The following TOP2B variants were observed in gnomAD, a reference collection of about 807,000 sequenced individuals.
TOP2B encodes DNA topoisomerase II beta.
TOP2B carries 51 observed loss-of-function variants against 193.5 expected under a neutral mutation model. The observed-to-expected ratio is 0.26, with a 90% CI of 0.21 to 0.33. TOP2B has a LOEUF of 0.33. Ranked by LOEUF, TOP2B falls within the 10% of genes least tolerant of loss-of-function variation. TOP2B has a pLI of 1.00. For synonymous variants in TOP2B, 634 were observed against 635.7 expected, an observed-to-expected ratio of 1.00 and a Z score of 0.04; for missense variants, 1,378 against 1,909.3, an observed-to-expected ratio of 0.72 and a Z score of 5.19.
At chr3:25,633,060 C>T (rs544973272) in intron 8 of TOP2B, among the ~76,000 whole-genome samples, 15 of 152,178 alleles carry the variant, frequency 9.9e-5, no homozygotes, top group African/African-American at 3.1e-4. Flanking sequence ...TTCTCTGATT[C>T]TCCAGACACC....
intron 23 of TOP2B, 119 bp downstream of exon 23, chr3:25,619,738 GAAAAA>G (rs375797612): frequency 2.4e-4 from 126 of 522,986 alleles, no homozygotes; most frequent in Non-Finnish European, 2.8e-4. Flanking sequence ...TGCAGGATGG[GAAAAA>G]AAAAAAAAAA....
At chr3:25,603,255 T>C (rs765757875) in intron 33 of TOP2B, among the ~76,000 whole-genome samples, 26 of 152,210 alleles carry the variant, frequency 1.7e-4, no homozygotes, top group Non-Finnish European at 3.2e-4. Context: ...TTGTTGTTAT[T>C]TGAGATGGAG....
At chr3:25,644,420 C>T (rs930558776) in intron 2 of TOP2B, among the ~76,000 whole-genome samples, 1 of 152,062 alleles carries the variant, frequency 6.6e-6, no homozygotes, top group African/African-American at 2.4e-5. Flanking sequence ...GACTTACAAG[C>T]CTGGGCGCAG....
At chr3:25,638,334 A>T in intron 4 of TOP2B, 24 bp from the exon 5 acceptor site, 1 of 1,350,638 alleles carries the variant, frequency 7.4e-7, no homozygotes, top group East Asian at 2.9e-5. Flanking sequence ...AAAAAAAAAA[A>T]AAAAAAAAAA....
intron 23 of TOP2B, among the ~76,000 whole-genome samples, chr3:25,619,124 T>A (rs1446347096): frequency 6.6e-6 from 1 of 152,134 alleles, no homozygotes; most frequent in African/African-American, 2.4e-5. Context: ...AAAAAAGGGC[T>A]CTTAAAGTAA....
Position 25,630,874 on chromosome 3 carries a change from C to T in TOP2B, c.1332G>A (p.Leu444=). 1.9e-6 allele frequency: 3 copies of T among 1,605,692 alleles called. No homozygotes were observed. Among genetic ancestry groups the T allele is most frequent in the Non-Finnish European group, 1.7e-6 (2 of 1,176,448 alleles). Residue 444 remains leucine (L), a synonymous_variant, in exon 11 of 36, where the codon CTG becomes CTA. Coordinates refer to ENST00000264331, the MANE Select transcript of TOP2B (RefSeq NM_001330700.2). Reference sequence around the variant, plus strand: ...ATTTTACTGATGAACACTTCTTATTCAGCTGAGTCTGAGCCTTAAATTTCA... The same window carrying T: ...ATTTTACTGATGAACACTTCTTATTTAGCTGAGTCTGAGCCTTAAATTTCA... ...NWVKFKAQTQ[L]NKKCSSVKYS...
chr3:25,632,934 T>C (rs1703001705), intron 8 of TOP2B, 140 bp from the exon 9 acceptor site: 1 of 739,616 alleles, frequency 1.4e-6, no homozygotes, highest in Non-Finnish European at 2.1e-6. Flanking sequence ...AAATAAGACA[T>C]TTTGGCTACA....
chr3:25,628,784 G>C lies in TOP2B; in HGVS notation c.1906+63C>G. ...AGTCAAACTTTCAAGTCATCTTTTA[G>C]ATTGCTTTCATAAGAATACATTTAT... On this transcript the variant is annotated intron_variant, in intron 15 of 35. Coordinates refer to ENST00000264331, the MANE Select transcript of TOP2B (RefSeq NM_001330700.2). The C allele has an allele frequency of 5.0e-6, 5 of 1,000,708 alleles. No homozygotes were observed. In the South Asian group the frequency reaches 8.7e-5, roughly 17 times the overall value. The allele number at this position is 1,000,708 out of a possible 1,614,324, so 62.0% of individuals were successfully genotyped here.
chr3:25,609,639 C>G lies in TOP2B; in HGVS notation c.3860G>C (p.Gly1287Ala). 6.3e-7 allele frequency: 1 copy of G among 1,574,856 alleles called. No homozygotes were observed. The highest frequency in any genetic ancestry group is 8.6e-7 in the Non-Finnish European group (1 of 1,162,424). ...AACTGATGGAGTCAATGCCTCTTCT[C>G]CTGCACCTTCTACTGGTGCTCCACT... ...EFSGAPVEGA[G>A]EEALTPSVPI... The change falls in exon 29 of 36, where the codon GGA becomes GCA. Residue 1287 changes from glycine to alanine, a missense_variant. By Grantham distance (60) the Gly-to-Ala change is moderately conservative (BLOSUM62 0). Coordinates refer to ENST00000264331, the MANE Select transcript of TOP2B (RefSeq NM_001330700.2).
chr3:25,607,825 G>A (rs1559492227), intron 30 of TOP2B, among the ~76,000 whole-genome samples: 2 of 152,094 alleles, frequency 1.3e-5, no homozygotes, highest in South Asian at 4.1e-4. Context: ...CTGCTGCCTG[G>A]GCAGGAAATG....
chr3:25,629,200 C>T, intron 13 of TOP2B, 55 bp from the exon 14 acceptor site: 3 of 1,245,200 alleles, frequency 2.4e-6, no homozygotes, highest in Non-Finnish European at 3.3e-6. Context: ...AAAATGATTA[C>T]TTATATAAAC....
rs1403829719 is a variant in TOP2B, at chr3:25,620,142, AT to A, written c.2863-81del. 5.0e-5 allele frequency: 46 copies of A among 927,968 alleles called. 1 individual carries two copies. Among genetic ancestry groups the A allele is most frequent in the Non-Finnish European group, 7.2e-5 (45 of 623,280 alleles). The allele number at this position is 927,968 out of a possible 1,614,324, so 57.5% of individuals were successfully genotyped here. On this transcript the variant is annotated intron_variant, in intron 22 of 35. Coordinates refer to ENST00000264331, the MANE Select transcript of TOP2B (RefSeq NM_001330700.2). ...TACTACAAGTCATACAGTCTTGAAAATTCTCAACTCTCATGGGGAATTAAAA... is the reference window on the plus strand; with the variant it reads ...TACTACAAGTCATACAGTCTTGAAAATCTCAACTCTCATGGGGAATTAAAA...
At chr3:25,623,403 G>A (rs1000676939) in intron 21 of TOP2B, 112 bp downstream of exon 21, 41 of 956,160 alleles carry the variant, frequency 4.3e-5, no homozygotes, top group East Asian at 1.8e-4. Flanking sequence ...AGGTCTTTAC[G>A]GTCTACAATA....
rs747883596 is a variant in TOP2B at position 25,632,789 on chromosome 3, T to A, written c.1032A>T (p.Gly344=). The A allele has an allele frequency of 6.2e-7, 1 of 1,611,764 alleles. No homozygotes were observed. The highest frequency in any genetic ancestry group is 8.5e-7 in the Non-Finnish European group (1 of 1,178,794). ...FVNSIATTKG[G]RHVDYVVDQV... is the part of the protein sequence containing the mutation. Reference sequence around the variant, plus strand: ...GATCTACCACATAATCCACGTGCCGTCCACCCTAAAGAAAAAAAAATATAT... The same window carrying A: ...GATCTACCACATAATCCACGTGCCGACCACCCTAAAGAAAAAAAAATATAT... The change falls in exon 9 of 36, where the codon GGA becomes GGT. Residue 344 remains glycine, a synonymous_variant. Transcript: ENST00000264331.
At chr3:25,635,327 G>A (rs1020550632) in intron 7 of TOP2B, among the ~76,000 whole-genome samples, 4 of 151,816 alleles carry the variant, frequency 2.6e-5, no homozygotes, top group African/African-American at 9.7e-5. Context: ...CAACTTACAG[G>A]GCATGCCAAA....
In TOP2B at chr3:25,615,466, T is replaced by C. The variant is rs1702479280; in HGVS notation, c.3472A>G (p.Lys1158Glu). Residue 1158 changes from lysine (K) to glutamate (E), a missense_variant, in exon 26 of 36, where the codon AAA becomes GAA. Coordinates refer to ENST00000264331, the MANE Select transcript of TOP2B (RefSeq NM_001330700.2). The stretch of plus-strand genomic sequence containing the variant: ...CTCTGTTTAATCAGTTCTTCAACTT[T>C]TTCTTTAGTAAGAGACCACAGAGAC... ...NMSLWSLTKE[K>E]VEELIKQRDA... 1 of 1,565,216 alleles carries C rather than the reference T, an allele frequency of 6.4e-7. No homozygotes were observed. Among genetic ancestry groups the C allele is most frequent in the South Asian group, 1.2e-5 (1 of 82,850 alleles).
chr3:25,660,632 A>C (rs1428556336), intron 1 of TOP2B, among the ~76,000 whole-genome samples: 2 of 152,254 alleles, frequency 1.3e-5, no homozygotes, highest in Non-Finnish European at 2.9e-5. Flanking sequence ...AGATAAATCT[A>C]ACTATGGAGA....
At chr3:25,617,291 A>G (rs891165854) in intron 25 of TOP2B, among the ~76,000 whole-genome samples, 1 of 152,178 alleles carries the variant, frequency 6.6e-6, no homozygotes, top group African/African-American at 2.4e-5. Context: ...TGTAGAAACC[A>G]TAATTTGGGG....
intron 15 of TOP2B, 131 bp downstream of exon 15, chr3:25,628,716 C>T (rs879703935): frequency 5.3e-5 from 31 of 584,012 alleles, no homozygotes; most frequent in Non-Finnish European, 8.3e-5. Flanking sequence ...TTTTCTATAA[C>T]AATACTTTAA....
Sources: allele counts gnomAD v4.1 joint callset (sites outside exome capture counted in the v4.1 genomes callset), GRCh38; gene constraint gnomAD v4.1.1; transcripts MANE v1.5; gene names NCBI Gene and HGNC (gene_info 2026-07-23, HGNC 2026-07-21).